Variants in RAB31 observed in about 807,000 individuals in gnomAD.
RAB31 encodes ras-related protein Rab-31.
In RAB31, 21 loss-of-function variants were observed where a neutral mutation model predicts 25.6. The observed-to-expected ratio is 0.82, with a 90% confidence interval of 0.58 to 1.18. The LOEUF is 1.18. RAB31 is among the 50% of genes most tolerant of loss of function. The pLI is 0.00. For missense variants in RAB31, 196 were observed against 250.1 expected, an observed-to-expected ratio of 0.78 and a Z score of 1.46; for synonymous variants, 87 against 84.0, an observed-to-expected ratio of 1.04 and a Z score of -0.20.
chr18:9,813,949 G>A (rs939876269), intron 3 of RAB31, 71 bp from the exon 4 acceptor site: 19 of 1,076,114 alleles, frequency 1.8e-5, no homozygotes, highest in African/African-American at 6.3e-5. Flanking sequence ...AGGATAAAAC[G>A]TTTATGTTTA....
chr18:9,720,640 CG>C (rs1412937309), intron 1 of RAB31, among the ~76,000 whole-genome samples: 1 of 144,484 alleles, frequency 6.9e-6, no homozygotes, highest in Non-Finnish European at 1.5e-5. Flanking sequence ...CTGCCTGGTG[CG>C]GGGGGTAGAT....
chr18:9,843,048 C>G (rs1459227286), intron 5 of RAB31, among the ~76,000 whole-genome samples: 2 of 152,216 alleles, frequency 1.3e-5, no homozygotes, highest in African/African-American at 2.4e-5. Context: ...GCCGCTCCTT[C>G]TTGTCCTGCA....
intron 1 of RAB31, among the ~76,000 whole-genome samples, chr18:9,737,336 C>T (rs777561520): frequency 6.6e-6 from 1 of 152,158 alleles, no homozygotes; most frequent in Non-Finnish European, 1.5e-5. Flanking sequence ...CACACCCACA[C>T]ACTGTTTCCT....
chr18:9,728,977 C>A (rs1308960885), intron 1 of RAB31, among the ~76,000 whole-genome samples: 1 of 152,038 alleles, frequency 6.6e-6, no homozygotes, highest in East Asian at 1.9e-4. Context: ...CTGTTACCTG[C>A]CCCTTCACAT....
chr18:9,741,468 C>T (rs1344929254), intron 1 of RAB31, among the ~76,000 whole-genome samples: 1 of 150,944 alleles, frequency 6.6e-6, no homozygotes, highest in South Asian at 2.1e-4. Context: ...TGCTAAGTGA[C>T]CAAGACAATA....
intron 3 of RAB31, among the ~76,000 whole-genome samples, chr18:9,807,936 C>T (rs1045892430): frequency 6.6e-6 from 1 of 152,200 alleles, no homozygotes; most frequent in African/African-American, 2.4e-5. Context: ...CGTGGTGGCA[C>T]CACTGTACTC....
chr18:9,722,721 C>G (rs978933637), intron 1 of RAB31: 3 of 152,184 alleles, frequency 2.0e-5, no homozygotes, highest in African/African-American at 7.2e-5. Context: ...AAACCCTGCT[C>G]TAACCACTGT....
intron 6 of RAB31, among the ~76,000 whole-genome samples, chr18:9,857,686 TGATAGATAGATAGATAGATA>T (rs3039678): frequency 2.7e-4 from 31 of 114,174 alleles, no homozygotes; most frequent in African/African-American, 9.9e-4. Context: ...GATAGATAGA[TGATAGATAGATAGATAGATA>T]GATAGATAGA....
rs114193922 is a variant in RAB31, at chr18:9,829,003, G to A, written c.380+13781G>A. Among the ~76,000 whole-genome samples, 563 of 152,320 alleles carry A rather than the reference G, an allele frequency of 3.7e-3. 2 individuals carry two copies. The highest frequency in any genetic ancestry group is 0.013 in the African/African-American group (540 of 41,566). On this transcript the variant is annotated intron_variant, in intron 5 of 6. Transcript: ENST00000578921. The stretch of plus-strand genomic sequence containing the variant: ...CCATTTACCTGCTGCTGTCACAGGA[G>A]GAGGGAGGGAGCTGAAGACTGAGCT...
rs2145448673 is a variant in RAB31 at position 9,708,507 on chromosome 18, C to G, written c.39+63C>G. On this transcript the variant is annotated intron_variant, in intron 1 of 6. Transcript: ENST00000578921. The surrounding 1 kb of genome is among the most constrained non-coding windows in gnomAD (Gnocchi z 6.4). ...CGCGCTCTCGCGCCCCTTCGCTCCCCTATTCCCTGCGCGCTCAGTCCCCGT... is the reference window on the plus strand; with the variant it reads ...CGCGCTCTCGCGCCCCTTCGCTCCCGTATTCCCTGCGCGCTCAGTCCCCGT... 1 of 1,415,764 alleles carries G rather than the reference C, an allele frequency of 7.1e-7. No individual in the cohort carries two copies. Among genetic ancestry groups the G allele is most frequent in the South Asian group, 1.3e-5 (1 of 77,128 alleles). The allele number at this position is 1,415,764 out of a possible 1,614,324, so 87.7% of individuals were successfully genotyped here. A position where few individuals can be genotyped will look rare whatever the true frequency, so the allele number is the denominator to read the frequency against.
rs895629090 is a variant in RAB31, at chr18:9,861,549, A to T, written c.*2224A>T. 1 of 152,184 alleles carries T rather than the reference A, an allele frequency of 6.6e-6. No individual in the cohort carries two copies. Among genetic ancestry groups the T allele is most frequent in the Non-Finnish European group, 1.5e-5 (1 of 68,050 alleles). 9.4% of individuals were successfully genotyped at this position (152,184 alleles called of 1,614,324 possible). ...CATAAACATTGTATCTTCTCTGTGG[A>T]TGCTCAGGCCTTGTCTACAATGAGG... is the stretch of plus-strand genomic sequence containing the variant. On this transcript the variant is annotated 3_prime_UTR_variant, in exon 7 of 7. Coordinates refer to ENST00000578921, the MANE Select transcript of RAB31 (RefSeq NM_006868.4).
At chr18:9,795,948 A>G (rs563982309) in intron 3 of RAB31, among the ~76,000 whole-genome samples, 18 of 152,294 alleles carry the variant, frequency 1.2e-4, no homozygotes, top group Middle Eastern at 3.4e-3. Context: ...TTGCAGCACA[A>G]TTTGCAGTTG....
intron 1 of RAB31, among the ~76,000 whole-genome samples, chr18:9,756,482 A>C (rs1354921568): frequency 6.6e-6 from 1 of 152,234 alleles, no homozygotes; most frequent in African/African-American, 2.4e-5. Flanking sequence ...AAGAGATTAC[A>C]GCAGTTAACT....
rs574198911 is a variant in RAB31 at position 9,748,890 on chromosome 18, C to CAA, written c.40-26380_40-26379dup. Among the ~76,000 whole-genome samples, 499 of 146,474 alleles carry CAA rather than the reference C, an allele frequency of 3.4e-3. 1 individual carries two copies. Among genetic ancestry groups the CAA allele is most frequent in the African/African-American group, 9.6e-3 (378 of 39,572 alleles). On this transcript the variant is annotated intron_variant, in intron 1 of 6. Coordinates refer to ENST00000578921, the MANE Select transcript of RAB31 (RefSeq NM_006868.4). ...TGGGCGACAGAGCGAGACTCTGTCT[C>CAA]AAAAAAAAATAATAATAAAAATAAA...
Position 9,860,447 on chromosome 18 carries a change from G to C in RAB31, c.*1122G>C, listed in dbSNP as rs904070933. ...TGACCCTAGAATGCCAAGGAACTGA[G>C]AATGGGCTCCGATGAAAACCTTCCT... On this transcript the variant is annotated 3_prime_UTR_variant, in exon 7 of 7. Transcript: ENST00000578921. 6.6e-6 allele frequency: 1 copy of C among 152,214 alleles called. No individual in the cohort carries two copies. The highest frequency in any genetic ancestry group is 2.4e-5 in the African/African-American group (1 of 41,450). The allele number at this position is 152,214 out of a possible 1,614,324, so 9.4% of individuals were successfully genotyped here.
At position 9,775,578 on chromosome 18, in the gene RAB31, A is replaced by C. The variant is rs568942820; in HGVS notation, c.119+221A>C. On this transcript the variant is annotated intron_variant, in intron 2 of 6. Coordinates refer to ENST00000578921, the MANE Select transcript of RAB31 (RefSeq NM_006868.4). Reference sequence around the variant, plus strand: ...TTTTTTTTCCTAGTCAGCCTTCCTCATGCTACCTCCTAAGGTCATTTCCTT... The same window carrying C: ...TTTTTTTTCCTAGTCAGCCTTCCTCCTGCTACCTCCTAAGGTCATTTCCTT... 3.3e-5 allele frequency among the ~76,000 whole-genome samples: 5 copies of C among 151,390 alleles called. No homozygotes were observed. The South Asian group carries it at 6.2e-4, about 19-fold the overall frequency.
chr18:9,736,177 T>C (rs2068150348), intron 1 of RAB31, among the ~76,000 whole-genome samples: 1 of 152,170 alleles, frequency 6.6e-6, no homozygotes, highest in African/African-American at 2.4e-5. Flanking sequence ...TCTTGCTAGG[T>C]TGCCCAGACT....
intron 1 of RAB31, among the ~76,000 whole-genome samples, chr18:9,714,172 C>A (rs567828445): frequency 1.3e-5 from 2 of 152,338 alleles, no homozygotes; most frequent in Admixed American, 1.3e-4. Flanking sequence ...GGAAACTTTA[C>A]ATTTTAAGAT....
In RAB31 at chr18:9,783,001, C is replaced by CA. The variant is rs1304321327; in HGVS notation, c.119+7652dup. On this transcript the variant is annotated intron_variant, in intron 2 of 6. Coordinates refer to ENST00000578921, the MANE Select transcript of RAB31 (RefSeq NM_006868.4). ...AAAACCAACAACAAATCTCAGTCAA[C>CA]AAAAAAAAGCAATGATTGTCGTGGT... 1.1e-4 allele frequency among the ~76,000 whole-genome samples: 16 copies of CA among 151,770 alleles called. No individual in the cohort carries two copies. The East Asian group carries it at 1.7e-3, about 16-fold the overall frequency.
Sources: allele counts gnomAD v4.1 joint callset (sites outside exome capture counted in the v4.1 genomes callset), GRCh38; gene constraint gnomAD v4.1.1; non-coding constraint Gnocchi (gnomAD v3.1); transcripts MANE v1.5; gene names NCBI Gene and HGNC (gene_info 2026-07-23, HGNC 2026-07-21).